COL21A1: variants seen among roughly 807,000 people sequenced by gnomAD.
The protein encoded by COL21A1 is collagen type XXI alpha 1 chain.
In COL21A1, 149 loss-of-function variants were observed where a neutral mutation model predicts 137.9. That is an observed-to-expected ratio of 1.08 (90% CI 0.95 to 1.24). COL21A1 has a LOEUF of 1.24. Among genes scored for constraint, COL21A1 ranks in the 50% most tolerant of loss-of-function variants. The pLI, the probability that COL21A1 is intolerant of heterozygous loss-of-function variation, is 0.00. For missense variants in COL21A1, 1,167 were observed against 1,158.4 expected, an observed-to-expected ratio of 1.01 and a Z score of -0.11; for synonymous variants, 456 against 391.5, an observed-to-expected ratio of 1.16 and a Z score of -1.95.
At chr6:56,318,923 AACAC>A (rs144220844) in intron 1 of COL21A1, among the ~76,000 whole-genome samples, 168 of 148,440 alleles carry the variant, frequency 1.1e-3, no homozygotes, top group Admixed American at 2.7e-3. Flanking sequence ...CCTCCCCCCA[AACAC>A]ACACACACAC....
chr6:56,244,011 G>A (rs900624247), intron 1 of COL21A1, among the ~76,000 whole-genome samples: 3 of 152,080 alleles, frequency 2.0e-5, no homozygotes, highest in African/African-American at 4.8e-5. Context: ...ATAAAAACAC[G>A]TATCCATTTC....
At chr6:56,230,533 T>C (rs1781494339) in intron 1 of COL21A1, among the ~76,000 whole-genome samples, 1 of 151,894 alleles carries the variant, frequency 6.6e-6, no homozygotes, top group Non-Finnish European at 1.5e-5. Flanking sequence ...TGAGGATGAA[T>C]TGTAATATAA....
In COL21A1 at chr6:56,325,537, A is replaced by AT. The variant is rs1765023331; in HGVS notation, c.-39+68433_-39+68434insA. 5.8e-3 allele frequency among the ~76,000 whole-genome samples: 3 copies of AT among 514 alleles called. 1 individual carries two copies. The highest frequency in any genetic ancestry group is 0.013 in the Non-Finnish European group (3 of 232). 0.3% of individuals were successfully genotyped at this position (514 alleles called of 152,430 possible). ...TATTATATATTATATATTATATATA[A>AT]ATATATAATACATATATAATATATA... On this transcript the variant is annotated intron_variant, in intron 1 of 28. Transcript: ENST00000370819.
intron 1 of COL21A1, among the ~76,000 whole-genome samples, chr6:56,385,221 G>T (rs993017300): frequency 1.3e-5 from 2 of 152,236 alleles, no homozygotes; most frequent in African/African-American, 4.8e-5. Context: ...GGGAGGTGAT[G>T]TCATATGCTA....
At chr6:56,327,910 C>G (rs1343892403) in intron 1 of COL21A1, among the ~76,000 whole-genome samples, 1 of 152,072 alleles carries the variant, frequency 6.6e-6, no homozygotes, top group African/African-American at 2.4e-5. Context: ...CCAGCACCTG[C>G]AGCTGAGAAA....
intron 1 of COL21A1, among the ~76,000 whole-genome samples, chr6:56,237,502 G>A (rs1781983278): frequency 6.6e-6 from 1 of 152,074 alleles, no homozygotes. Context: ...AAATATAATT[G>A]CTTCTCTAAT....
intron 16 of COL21A1, among the ~76,000 whole-genome samples, chr6:56,107,218 G>A (rs1485919050): frequency 4.6e-5 from 7 of 152,062 alleles, no homozygotes; most frequent in African/African-American, 7.2e-5. Context: ...TAGAAACCAA[G>A]GGAGAATAGA....
At chr6:56,252,549 G>A (rs368300059), upstream of COL21A1, among the ~76,000 whole-genome samples, 307 of 152,312 alleles carry the variant, frequency 2.0e-3, 13 homozygotes, top group South Asian at 0.062. Flanking sequence ...AAGCTGCAGA[G>A]ACCAGGTATC....
At chr6:56,114,132 G>A (rs1388601650) in intron 16 of COL21A1, among the ~76,000 whole-genome samples, 1 of 152,226 alleles carries the variant, frequency 6.6e-6, no homozygotes, top group Non-Finnish European at 1.5e-5. Flanking sequence ...GGGGGTTGGT[G>A]GACCTCACCA....
chr6:56,136,579 C>T (rs1430256809), intron 12 of COL21A1, among the ~76,000 whole-genome samples: 1 of 152,044 alleles, frequency 6.6e-6, no homozygotes, highest in Non-Finnish European at 1.5e-5. Flanking sequence ...ATGAGCCTGT[C>T]CATCTTTTAA....
intron 7 of COL21A1, among the ~76,000 whole-genome samples, chr6:56,165,659 CTGTT>C (rs773127232): frequency 3.3e-5 from 5 of 152,208 alleles, no homozygotes; most frequent in Non-Finnish European, 4.4e-5. Context: ...CTAGAAAACT[CTGTT>C]TGATTACAGA....
intron 6 of COL21A1, among the ~76,000 whole-genome samples, chr6:56,167,525 T>C (rs1178402063): frequency 6.6e-6 from 1 of 152,230 alleles, no homozygotes; most frequent in Admixed American, 6.5e-5. Flanking sequence ...AGACTCTTCC[T>C]TTAATAGAAA....
intron 1 of COL21A1, among the ~76,000 whole-genome samples, chr6:56,367,164 A>G (rs559796588): frequency 2.0e-5 from 3 of 152,348 alleles, no homozygotes; most frequent in African/African-American, 4.8e-5. Context: ...TTAAAATGCC[A>G]TTATTCACTG....
chr6:56,058,966 A>G (rs557464966), intron 29 of COL21A1, among the ~76,000 whole-genome samples, 199 bp downstream of exon 29: 1 of 152,334 alleles, frequency 6.6e-6, no homozygotes, highest in East Asian at 1.9e-4. Context: ...ATGATAAGCA[A>G]GAGATAATAT....
intron 16 of COL21A1, among the ~76,000 whole-genome samples, chr6:56,118,886 G>C (rs1303021509): frequency 6.6e-6 from 1 of 151,908 alleles, no homozygotes; most frequent in Non-Finnish European, 1.5e-5. Context: ...ATCTCTTCAT[G>C]ATAAAAACCC....
intron 1 of COL21A1, among the ~76,000 whole-genome samples, chr6:56,344,954 C>T (rs1312762290): frequency 6.6e-6 from 1 of 152,176 alleles, no homozygotes; most frequent in Non-Finnish European, 1.5e-5. Context: ...TTATAAATTA[C>T]CCAGTCTTAC....
At chr6:56,390,310 AAC>A (rs2094026798) in intron 1 of COL21A1, among the ~76,000 whole-genome samples, 1 of 152,162 alleles carries the variant, frequency 6.6e-6, no homozygotes, top group Non-Finnish European at 1.5e-5. Flanking sequence ...GCCTCATGAT[AAC>A]CACAAAATGA....
chr6:56,369,527 G>A (rs1002752902), intron 1 of COL21A1, among the ~76,000 whole-genome samples: 1 of 152,080 alleles, frequency 6.6e-6, no homozygotes, highest in Non-Finnish European at 1.5e-5. Flanking sequence ...AAAAACTGAT[G>A]TATGTGACTG....
At chr6:56,159,632 T>C in intron 9 of COL21A1, among the ~76,000 whole-genome samples, 1 of 134,324 alleles carries the variant, frequency 7.4e-6, no homozygotes, top group African/African-American at 2.7e-5. Flanking sequence ...TGCCTGGCCT[T>C]ACTTTTTTTT....
Sources: allele counts gnomAD v4.1 joint callset (sites outside exome capture counted in the v4.1 genomes callset), GRCh38; gene constraint gnomAD v4.1.1; transcripts MANE v1.5; gene names NCBI Gene and HGNC (gene_info 2026-07-23, HGNC 2026-07-21).